Variants in PRKCA observed in about 807,000 individuals in gnomAD.
PRKCA encodes protein kinase C alpha type.
Under a neutral mutation model 87.0 loss-of-function variants are expected in PRKCA, and 27 were observed. The observed-to-expected ratio is 0.31, with a 90% CI of 0.23 to 0.43. PRKCA has a LOEUF of 0.43. PRKCA is among the 20% of genes least tolerant of loss of function. The probability of loss-of-function intolerance (pLI) is 1.00; values close to 1 mark genes in which losing one functional copy is unlikely to be tolerated. For synonymous variants in PRKCA, 329 were observed against 311.1 expected, an observed-to-expected ratio of 1.06 and a Z score of -0.61; for missense variants, 518 against 852.3, an observed-to-expected ratio of 0.61 and a Z score of 4.88.
intron 3 of PRKCA, among the ~76,000 whole-genome samples, chr17:66,514,528 A>G (rs1012964392): frequency 6.6e-6 from 1 of 152,176 alleles, no homozygotes; most frequent in African/African-American, 2.4e-5. Context: ...CGCTCTCCTC[A>G]TTTAACAAAA....
intron 2 of PRKCA, among the ~76,000 whole-genome samples, chr17:66,320,394 A>G (rs1905587982): frequency 6.6e-6 from 1 of 152,016 alleles, no homozygotes; most frequent in African/African-American, 2.4e-5. Flanking sequence ...TTTTTAAAAA[A>G]AGAAAGCATG....
At chr17:66,418,718 G>A (rs192846042) in intron 2 of PRKCA, among the ~76,000 whole-genome samples, 28 of 151,732 alleles carry the variant, frequency 1.8e-4, no homozygotes, top group African/African-American at 6.5e-4. Context: ...TTATAGGCAC[G>A]AGCCACTGCT....
chr17:66,646,191 G>C (rs1267244831), intron 5 of PRKCA, among the ~76,000 whole-genome samples: 1 of 152,120 alleles, frequency 6.6e-6, no homozygotes, highest in African/African-American at 2.4e-5. Context: ...AAACAGCCTG[G>C]CTATGGGACC....
intron 8 of PRKCA, among the ~76,000 whole-genome samples, chr17:66,707,937 G>A (rs1192478333): frequency 1.3e-5 from 2 of 152,210 alleles, no homozygotes; most frequent in Admixed American, 1.3e-4. Context: ...CTCGCCTGAT[G>A]TAACATGGCT....
chr17:66,308,753 C>G (rs1051536012), intron 2 of PRKCA, among the ~76,000 whole-genome samples: 1 of 152,068 alleles, frequency 6.6e-6, no homozygotes, highest in African/African-American at 2.4e-5. Flanking sequence ...GATATGTTAC[C>G]TCAGGGTGAT....
At position 66,554,611 on chromosome 17, in the gene PRKCA, C is replaced by CT. The variant is rs200885226; in HGVS notation, c.288+58336dup. 758 of 875,710 alleles carry CT rather than the reference C, an allele frequency of 8.7e-4. 3 individuals are homozygous for CT. In the African/African-American group the frequency reaches 0.012, roughly 14 times the overall value. The allele number at this position is 875,710 out of a possible 1,614,324, so 54.2% of individuals were successfully genotyped here. On this transcript the variant is annotated intron_variant, in intron 3 of 16. Transcript: ENST00000413366. ...TGGGTGACCTGTTAATTTTAAAGGACTTTTTTTTGGTGGGGGGCACTAGCA... is the reference window on the plus strand; with the variant it reads ...TGGGTGACCTGTTAATTTTAAAGGACTTTTTTTTTGGTGGGGGGCACTAGCA...
chr17:66,758,468 G>A (rs527326460), intron 13 of PRKCA, among the ~76,000 whole-genome samples: 3 of 152,146 alleles, frequency 2.0e-5, no homozygotes, highest in East Asian at 3.8e-4. Context: ...CAATACAGAT[G>A]GTCCCCAGTT....
At chr17:66,641,763 A>G (rs1598838342) in intron 4 of PRKCA, among the ~76,000 whole-genome samples, 1 of 151,128 alleles carries the variant, frequency 6.6e-6, no homozygotes, top group Non-Finnish European at 1.5e-5. Flanking sequence ...ACTGTAAAAT[A>G]TAGCCTAGTC....
chr17:66,721,321 C>T (rs748835243), intron 8 of PRKCA, among the ~76,000 whole-genome samples: 25 of 149,812 alleles, frequency 1.7e-4, no homozygotes, highest in Non-Finnish European at 3.0e-4. Flanking sequence ...GGCGTGTATC[C>T]GGAGGTGGAG....
chr17:66,369,299 A>G (rs1908955113), intron 2 of PRKCA, among the ~76,000 whole-genome samples: 1 of 152,112 alleles, frequency 6.6e-6, no homozygotes, highest in Non-Finnish European at 1.5e-5. Flanking sequence ...ATATCCCAGT[A>G]CTTCCACGGG....
At chr17:66,395,308 C>A (rs1347938037) in intron 2 of PRKCA, among the ~76,000 whole-genome samples, 1 of 152,086 alleles carries the variant, frequency 6.6e-6, no homozygotes, top group East Asian at 1.9e-4. Flanking sequence ...ATTCTAGTAG[C>A]CACATTTTGA....
intron 2 of PRKCA, among the ~76,000 whole-genome samples, chr17:66,400,147 T>C (rs1910933940): frequency 6.6e-6 from 1 of 152,172 alleles, no homozygotes; most frequent in South Asian, 2.1e-4. Flanking sequence ...GTTAAGTATA[T>C]TCACCTTTTT....
At chr17:66,721,126 G>A (rs2144160013) in intron 8 of PRKCA, among the ~76,000 whole-genome samples, 1 of 152,286 alleles carries the variant, frequency 6.6e-6, no homozygotes, top group African/African-American at 2.4e-5. Flanking sequence ...GCCGGGTGCA[G>A]TGGCTCACAC....
intron 2 of PRKCA, among the ~76,000 whole-genome samples, chr17:66,309,951 AGCGATCCACTGTACT>A (rs1193136342): frequency 2.6e-5 from 4 of 152,182 alleles, no homozygotes; most frequent in Admixed American, 6.5e-5. Flanking sequence ...CAGAGAACAG[AGCGATCCACTGTACT>A]GCTCAAATGC....
chr17:66,695,704 A>G (rs1304384299), intron 8 of PRKCA, among the ~76,000 whole-genome samples: 1 of 152,194 alleles, frequency 6.6e-6, no homozygotes, highest in African/African-American at 2.4e-5. Flanking sequence ...AGCAAGTTAA[A>G]CATCTAATAT....
intron 13 of PRKCA, among the ~76,000 whole-genome samples, chr17:66,749,056 C>T (rs1390819412): frequency 7.0e-6 from 1 of 142,852 alleles, no homozygotes; most frequent in Non-Finnish European, 1.6e-5. Context: ...CCTGGCCAGT[C>T]TGCATCTTCA....
intron 3 of PRKCA, among the ~76,000 whole-genome samples, chr17:66,641,100 G>A (rs61762394): frequency 0.012 from 1,868 of 150,650 alleles, 45 homozygotes; most frequent in African/African-American, 0.042. Flanking sequence ...GGAGGTTGCA[G>A]TGAGCTGAGA....
chr17:66,683,051 C>A (rs1020703093), intron 5 of PRKCA, among the ~76,000 whole-genome samples: 5 of 151,786 alleles, frequency 3.3e-5, no homozygotes, highest in Admixed American at 2.0e-4. Context: ...GTTGAAGCAG[C>A]AAAGACTTCT....
At chr17:66,697,603 T>C (rs1972957100) in intron 8 of PRKCA, among the ~76,000 whole-genome samples, 1 of 152,136 alleles carries the variant, frequency 6.6e-6, no homozygotes, top group African/African-American at 2.4e-5. Context: ...TCCACAACAC[T>C]GCCCAAGAGC....
Sources: allele counts gnomAD v4.1 joint callset (sites outside exome capture counted in the v4.1 genomes callset), GRCh38; gene constraint gnomAD v4.1.1; transcripts MANE v1.5; gene names NCBI Gene and HGNC (gene_info 2026-07-23, HGNC 2026-07-21).